SNAPC4: variants seen among roughly 807,000 people sequenced by gnomAD.
SNAPC4 encodes snRNA-activating protein complex subunit 4.
A neutral mutation model predicts 151.3 loss-of-function variants in SNAPC4; 127 were observed. The ratio of observed to expected loss-of-function variants is 0.84; its 90% confidence interval spans 0.73 to 0.97. The LOEUF is 0.97. Among genes scored for constraint, SNAPC4 ranks in the 50% least tolerant of loss-of-function variants. The pLI is 0.00. For missense variants in SNAPC4, 2,186 were observed against 1,935.0 expected, an observed-to-expected ratio of 1.13 and a Z score of -2.43; for synonymous variants, 1,002 against 824.4, an observed-to-expected ratio of 1.22 and a Z score of -3.69.
At chr9:136,377,423 C>A in intron 22 of SNAPC4, 120 bp downstream of exon 22, 1 of 1,282,062 alleles carries the variant, frequency 7.8e-7, no homozygotes. Context: ...CTAAGACACC[C>A]AGCAGCCAGC....
chr9:136,377,303 C>G (rs1349755535), intron 22 of SNAPC4, among the ~76,000 whole-genome samples: 3 of 152,210 alleles, frequency 2.0e-5, no homozygotes, highest in Non-Finnish European at 4.4e-5. Flanking sequence ...CCGGAGGCTC[C>G]TGCACGAGAA....
chr9:136,388,226 C>T (rs879914889), intron 11 of SNAPC4, among the ~76,000 whole-genome samples: 4 of 146,752 alleles, frequency 2.7e-5, no homozygotes, highest in Admixed American at 2.1e-4. Flanking sequence ...AAGATCATGG[C>T]GTTGCACTCC....
intron 3 of SNAPC4, among the ~76,000 whole-genome samples, chr9:136,396,290 A>G (rs60373807): frequency 6.8e-4 from 103 of 152,388 alleles, no homozygotes; most frequent in African/African-American, 2.2e-3. Flanking sequence ...GAGGAAACTC[A>G]GTACCCACTA....
rs3841200 is a variant in SNAPC4 at position 136,397,469 on chromosome 9, G to GT, written c.131-447dup. Among the ~76,000 whole-genome samples the GT allele has an allele frequency of 3.8e-3, 564 of 149,830 alleles. 3 individuals are homozygous for GT. The highest frequency in any genetic ancestry group is 0.013 in the African/African-American group (535 of 40,492). On this transcript the variant is annotated intron_variant, in intron 2 of 23. Coordinates refer to ENST00000684778, the MANE Select transcript of SNAPC4 (RefSeq NM_003086.4). ...AGAGGTGGGAAGCAAGGCTGGGGGG[G>GT]TCTCCTGTCAGGGCAGCAGCTGGTG...
rs187966858 is a variant in SNAPC4, at chr9:136,396,902, G to A, written c.177+75C>T. 1.9e-5 allele frequency: 22 copies of A among 1,164,612 alleles called. No homozygotes were observed. In the Admixed American group the frequency reaches 3.5e-4, roughly 19 times the overall value. 72.1% of individuals were successfully genotyped at this position (1,164,612 alleles called of 1,614,324 possible). ...AAAAACCAATATGGGTTCAAACCAC[G>A]CCCCCTCCCAGGCTACTTTGGAAGG... On this transcript the variant is annotated intron_variant, in intron 3 of 23. Transcript: ENST00000684778.
rs1196989138 is a variant in SNAPC4, at chr9:136,377,710, T to C, written c.4117A>G (p.Thr1373Ala). The change falls in exon 22 of 24, where the codon ACC becomes GCC. Residue 1373 changes from threonine (T) to alanine (A), a missense_variant. Transcript: ENST00000684778. ...AGGGTGGCCAGGAGCGCAGGGAGGGTGAAGGCTGCCAGGAACCGCGCCCGC... is the reference window on the plus strand; with the variant it reads ...AGGGTGGCCAGGAGCGCAGGGAGGGCGAAGGCTGCCAGGAACCGCGCCCGC... Reference protein sequence around the residue: ...LLRARFLAAFTLPALLATLAP... With the variant: ...LLRARFLAAFALPALLATLAP... 3.7e-6 allele frequency: 6 copies of C among 1,608,338 alleles called. No homozygotes were observed. Among genetic ancestry groups the C allele is most frequent in the South Asian group, 1.1e-5 (1 of 90,742 alleles).
intron 10 of SNAPC4, among the ~76,000 whole-genome samples, chr9:136,391,408 G>A (rs552899984): frequency 3.3e-5 from 5 of 152,224 alleles, no homozygotes; most frequent in Non-Finnish European, 4.4e-5. Flanking sequence ...TACACTCCTA[G>A]ATACACCTAG....
At chr9:136,396,321 A>G (rs1482922385) in intron 3 of SNAPC4, among the ~76,000 whole-genome samples, 2 of 152,272 alleles carry the variant, frequency 1.3e-5, no homozygotes, top group Non-Finnish European at 2.9e-5. Context: ...AAAAGGAAGC[A>G]GCAAATCGCC....
intron 14 of SNAPC4, 125 bp from the exon 15 acceptor site, chr9:136,384,157 G>A (rs1833810856): frequency 2.9e-6 from 2 of 699,162 alleles, no homozygotes; most frequent in East Asian, 2.8e-5. Context: ...CTCTCACGCT[G>A]GGGGGTCAAG....
chr9:136,387,365 C>T (rs988901955), intron 13 of SNAPC4, 120 bp downstream of exon 13: 23 of 768,218 alleles, frequency 3.0e-5, no homozygotes, highest in Admixed American at 8.9e-5. Context: ...GCGACCCACA[C>T]GGGCCCCTCC....
rs1833795737 is a variant in SNAPC4 at position 136,383,781 on chromosome 9, A to G, written c.1501-113T>C. The G allele has an allele frequency of 7.0e-7, 1 of 1,428,032 alleles. No homozygotes were observed. Among genetic ancestry groups the G allele is most frequent in the Non-Finnish European group, 9.6e-7 (1 of 1,041,684 alleles). The allele number at this position is 1,428,032 out of a possible 1,614,324, so 88.5% of individuals were successfully genotyped here. ...CCCAAGCGGGGGCGCCTCCGGGGTCAAGAGCAGCCGCTGCCGAGGCAGGGT... is the reference window on the plus strand; with the variant it reads ...CCCAAGCGGGGGCGCCTCCGGGGTCGAGAGCAGCCGCTGCCGAGGCAGGGT... On this transcript the variant is annotated intron_variant, in intron 15 of 23. Coordinates refer to ENST00000684778, the MANE Select transcript of SNAPC4 (RefSeq NM_003086.4). The surrounding 1 kb of genome is among the most constrained non-coding windows in gnomAD (Gnocchi z 4.2).
chr9:136,381,939 A>C lies in SNAPC4; in HGVS notation c.2202T>G (p.Ala734=). 6.2e-7 allele frequency: 1 copy of C among 1,612,794 alleles called. No individual in the cohort carries two copies. The highest frequency in any genetic ancestry group is 8.5e-7 in the Non-Finnish European group (1 of 1,179,966). Residue 734 remains alanine (A), a synonymous_variant, in exon 18 of 24, where the codon GCT becomes GCG. Transcript: ENST00000684778. ...TGCGGTTCAGGAGCCTCCGGTGCAG[A>C]GCGTGTCTCCAGCGCCGCTGCCCAC... ...TQSGQRRWRH[A]LHRRLLNRRL...
chr9:136,396,437 G>A (rs532101737), intron 3 of SNAPC4, among the ~76,000 whole-genome samples: 1 of 152,208 alleles, frequency 6.6e-6, no homozygotes, highest in African/African-American at 2.4e-5. Flanking sequence ...TTTTTTTTGA[G>A]ACAGGGTCTC....
chr9:136,385,543 G>A (rs1487585750), intron 13 of SNAPC4, among the ~76,000 whole-genome samples: 2 of 148,040 alleles, frequency 1.4e-5, no homozygotes, highest in African/African-American at 2.5e-5. Context: ...GTATTTATAT[G>A]AGAATCCCAC....
Position 136,387,536 on chromosome 9 carries a change from A to T in SNAPC4, c.1274T>A (p.Phe425Tyr), listed in dbSNP as rs1283839480. Residue 425 changes from phenylalanine to tyrosine, a missense_variant, in exon 13 of 24, where the codon TTT becomes TAT. Phe to Tyr is a conservative substitution (Grantham distance 22). Coordinates refer to ENST00000684778, the MANE Select transcript of SNAPC4 (RefSeq NM_003086.4). ...AVAKYGEQDW[F>Y]KIREEVPGRS... ...ACCTGGCACCTCTTCCCGGATTTTA[A>T]ACCAATCCTGCTCCCCGTATTTGGC... 6.2e-7 allele frequency: 1 copy of T among 1,613,992 alleles called. No individual in the cohort carries two copies. The highest frequency in any genetic ancestry group is 8.5e-7 in the Non-Finnish European group (1 of 1,179,978).
chr9:136,382,406 C>T, intron 16 of SNAPC4, 70 bp from the exon 17 acceptor site: 1 of 1,291,110 alleles, frequency 7.7e-7, no homozygotes, highest in South Asian at 1.2e-5. Flanking sequence ...CCCCTCGCTG[C>T]CCACACACGA....
At chr9:136,380,928 TG>T in intron 19 of SNAPC4, 78 bp from the exon 20 acceptor site, 1 of 845,082 alleles carries the variant, frequency 1.2e-6, no homozygotes, top group Non-Finnish European at 2.0e-6. Flanking sequence ...AGGCAGAACC[TG>T]GGGCAGCCCT....
chr9:136,399,434 C>G lies in SNAPC4; in HGVS notation c.-10+700G>C, dbSNP rs563116254. ...AGCTGGCAGCGACCGCAGGCTGGTT[C>G]AGCGCCTCCGGGCCGGCGGAGACGC... is the stretch of plus-strand genomic sequence containing the variant. On this transcript the variant is annotated intron_variant, in intron 1 of 23. Transcript: ENST00000684778. Among the ~76,000 whole-genome samples, 52 of 152,378 alleles carry G rather than the reference C, an allele frequency of 3.4e-4. No homozygotes were observed. In the East Asian group the frequency reaches 6.4e-3, roughly 19 times the overall value.
At chr9:136,397,593 G>A (rs1206806406) in intron 2 of SNAPC4, among the ~76,000 whole-genome samples, 1 of 131,376 alleles carries the variant, frequency 7.6e-6, no homozygotes, top group African/African-American at 2.9e-5. Flanking sequence ...GAGCCTATGG[G>A]GTGGGGAGCA....
Sources: allele counts gnomAD v4.1 joint callset (sites outside exome capture counted in the v4.1 genomes callset), GRCh38; gene constraint gnomAD v4.1.1; non-coding constraint Gnocchi (gnomAD v3.1); transcripts MANE v1.5; gene names NCBI Gene and HGNC (gene_info 2026-07-23, HGNC 2026-07-21).